Variants in TUBGCP6 observed in about 807,000 individuals in gnomAD.
TUBGCP6 encodes gamma-tubulin complex component 6.
A neutral mutation model predicts 175.8 loss-of-function variants in TUBGCP6; 161 were observed. The ratio of observed to expected loss-of-function variants is 0.92; its 90% confidence interval spans 0.81 to 1.04. The LOEUF is 1.04. Ranked by LOEUF, TUBGCP6 falls within the 50% of genes least tolerant of loss-of-function variation. TUBGCP6 has a pLI of 0.00. For missense variants in TUBGCP6, 2,572 were observed against 2,433.0 expected (o/e 1.06, Z -1.20); for synonymous variants, 1,173 against 1,030.5 (o/e 1.14, Z -2.65).
chr22:50,228,240 C>T (rs192550738), intron 4 of TUBGCP6, among the ~76,000 whole-genome samples: 18 of 82,182 alleles, frequency 2.2e-4, no homozygotes, highest in African/African-American at 5.7e-4. Context: ...TGTGGCCCAC[C>T]ACCAACCCTT....
Position 50,222,530 on chromosome 22 carries a change from G to A in TUBGCP6, c.2333C>T (p.Ala778Val). ...SAEAARREQK[A>V]LWRIQRHRLE... is the part of the protein sequence containing the mutation. ...TCGGTGCCTCTGGATTCTCCACAGT[G>A]CCTTCTGCTCCCGACGAGCTGCCTC... The change falls in exon 14 of 25, where the codon GCA (alanine) becomes GTA (valine). Residue 778 changes from alanine to valine, a missense_variant. Coordinates refer to ENST00000248846, the MANE Select transcript of TUBGCP6 (RefSeq NM_020461.4). 6.2e-7 allele frequency: 1 copy of A among 1,613,692 alleles called. No homozygotes were observed. Among genetic ancestry groups the A allele is most frequent in the African/African-American group, 1.3e-5 (1 of 75,062 alleles).
At position 50,229,453 on chromosome 22, in the gene TUBGCP6, G is replaced by A. The variant is rs747979891; in HGVS notation, c.1241C>T (p.Ser414Phe). The A allele has an allele frequency of 7.4e-6, 12 of 1,613,478 alleles. No homozygotes were observed. Among genetic ancestry groups the A allele is most frequent in the South Asian group, 1.1e-5 (1 of 90,996 alleles). ...GTCYTRLSHF[S>F]LQPVLDSLYS... is the part of the protein sequence containing the mutation. Reference sequence around the variant, plus strand: ...CAAAGAGTCCAGGACGGGCTGCAGAGAGAAATGACTCAGGCGCGTGTAGCA... The same window carrying A: ...CAAAGAGTCCAGGACGGGCTGCAGAAAGAAATGACTCAGGCGCGTGTAGCA... Residue 414 changes from serine (S) to phenylalanine (F), a missense_variant, in exon 4 of 25, where the codon TCT becomes TTT. Ser to Phe is a radical substitution (Grantham distance 155). Transcript: ENST00000248846.
At chr22:50,227,610 A>G (rs2064631164) in intron 5 of TUBGCP6, among the ~76,000 whole-genome samples, 1 of 152,176 alleles carries the variant, frequency 6.6e-6, no homozygotes, top group Non-Finnish European at 1.5e-5. Flanking sequence ...CTGGTTGCTC[A>G]CTAACCAGCT....
At position 50,218,320 on chromosome 22, in the gene TUBGCP6, G is replaced by A. The variant is rs779936421; in HGVS notation, c.5037C>T (p.Val1679=). ...TCTGGTTGGCGATGTAGCCCTGGATGACCTTCACGAAATGCTGCATCTCGT... is the reference window on the plus strand; with the variant it reads ...TCTGGTTGGCGATGTAGCCCTGGATAACCTTCACGAAATGCTGCATCTCGT... ...FKHEMQHFVK[V]IQGYIANQIL... Residue 1679 remains valine (V), a synonymous_variant, in exon 23 of 25, where the codon GTC becomes GTT. Transcript: ENST00000248846. 4 of 1,613,108 alleles carry A rather than the reference G, an allele frequency of 2.5e-6. No individual in the cohort carries two copies. In the South Asian group the frequency reaches 4.4e-5, roughly 18 times the overall value.
chr22:50,228,006 C>A lies in TUBGCP6; in HGVS notation c.1313G>T (p.Arg438Met). Residue 438 changes from arginine (R) to methionine (M), a missense_variant, in exon 5 of 25, where the codon AGG (arginine) becomes ATG (methionine). Arg to Met is a moderately conservative substitution (Grantham distance 91, BLOSUM62 -1). Coordinates refer to ENST00000248846, the MANE Select transcript of TUBGCP6 (RefSeq NM_020461.4). ...GCAGGCCCGGTAATACTGCAGGTACCTCCTCAGGCCACTGGTGAAGGCCTG... is the reference window on the plus strand; with the variant it reads ...GCAGGCCCGGTAATACTGCAGGTACATCCTCAGGCCACTGGTGAAGGCCTG... ...VFQAFTSGLR[R>M]YLQYYRACVL... 1 of 1,563,984 alleles carries A rather than the reference C, an allele frequency of 6.4e-7. No individual in the cohort carries two copies. The highest frequency in any genetic ancestry group is 8.7e-7 in the Non-Finnish European group (1 of 1,154,186).
intron 7 of TUBGCP6, 34 bp downstream of exon 7, chr22:50,226,699 C>T (rs186133442): frequency 1.6e-5 from 24 of 1,525,510 alleles, no homozygotes; most frequent in Admixed American, 7.9e-5. Flanking sequence ...GGTGGGAGTG[C>T]GCGCCCGCCG....
Position 50,243,742 on chromosome 22 carries a change from C to T in TUBGCP6, c.718G>A (p.Asp240Asn). The T allele has an allele frequency of 6.2e-7, 1 of 1,613,338 alleles. No individual in the cohort carries two copies. Among genetic ancestry groups the T allele is most frequent in the Non-Finnish European group, 8.5e-7 (1 of 1,179,772 alleles). Reference protein sequence around the residue: ...LGLPPVPDNADLSGLAIKVPP... With the variant: ...LGLPPVPDNANLSGLAIKVPP... ...ACCTTAATAGCCAGCCCAGAGAGGT[C>T]CGCATTGTCTGGCACGGGGGGCAGG... Residue 240 changes from aspartate (D) to asparagine (N), a missense_variant, in exon 1 of 25, where the codon GAC (aspartate) becomes AAC (asparagine). By Grantham distance (23) the Asp-to-Asn change is conservative. Transcript: ENST00000248846.
chr22:50,219,961 G>T lies in TUBGCP6; in HGVS notation c.4163C>A (p.Ser1388Ter). Residue 1388 changes from serine (S) to a stop codon, truncating the protein, a stop_gained, in exon 17 of 25, where the codon TCA becomes TAA. Coordinates refer to ENST00000248846, the MANE Select transcript of TUBGCP6 (RefSeq NM_020461.4). LOFTEE classifies it high-confidence loss of function. Reference sequence around the variant, plus strand: ...CCCAGGCTGCATCCACCTAACCTGTGAGTTGAGAGGCCAATTTGGAGAGAG... The same window carrying T: ...CCCAGGCTGCATCCACCTAACCTGTTAGTTGAGAGGCCAATTTGGAGAGAG... ...EDLSPNWPLN[S>*]QEDTAAQSSP... 6.2e-7 allele frequency: 1 copy of T among 1,613,996 alleles called. No individual in the cohort carries two copies. Among genetic ancestry groups the T allele is most frequent in the Non-Finnish European group, 8.5e-7 (1 of 1,179,950 alleles).
At position 50,226,776 on chromosome 22, in the gene TUBGCP6, C is replaced by G; in HGVS notation, c.1558G>C (p.Val520Leu). 1 of 1,594,442 alleles carries G rather than the reference C, an allele frequency of 6.3e-7. No homozygotes were observed. The highest frequency in any genetic ancestry group is 8.5e-7 in the Non-Finnish European group (1 of 1,171,450). The change falls in exon 7 of 25, where the codon GTA becomes CTA. Residue 520 changes from valine (V) to leucine (L), a missense_variant. Val to Leu is a conservative substitution (Grantham distance 32). Transcript: ENST00000248846. ...CTGGTCTTCAGCAGGGACAGCAGTACAGGGTAGTGCTCGTTGCTGCAGTTG... is the reference window on the plus strand; with the variant it reads ...CTGGTCTTCAGCAGGGACAGCAGTAGAGGGTAGTGCTCGTTGCTGCAGTTG... ...LHNCSNEHYP[V>L]LLSLLKTSCE...
At chr22:50,219,839 C>T in intron 17 of TUBGCP6, 48 bp from the exon 18 acceptor site, 1 of 1,605,720 alleles carries the variant, frequency 6.2e-7, no homozygotes, top group South Asian at 1.1e-5. Flanking sequence ...CACGCTGTCC[C>T]CACAACCAGC....
chr22:50,226,622 T>C (rs2064614735), intron 7 of TUBGCP6, 111 bp downstream of exon 7: 2 of 1,019,398 alleles, frequency 2.0e-6, no homozygotes, highest in Admixed American at 4.2e-5. Context: ...TATCCTGCCC[T>C]CCCCTTCCTG....
At position 50,220,544 on chromosome 22, in the gene TUBGCP6, A is replaced by G. The variant is rs1405027002; in HGVS notation, c.3815T>C (p.Ile1272Thr). 1 of 1,613,420 alleles carries G rather than the reference A, an allele frequency of 6.2e-7. No homozygotes were observed. The highest frequency in any genetic ancestry group is 1.1e-5 in the South Asian group (1 of 91,080). The part of the protein sequence containing the change: ...TRPRWNTHVP[I>T]PPPHMVLGAL... ...CCCCAGCACCATGTGGGGCGGAGGG[A>G]TGGGTACATGGGTGTTCCACCGTGG... The change falls in exon 16 of 25, where the codon ATC becomes ACC. Residue 1272 changes from isoleucine (I) to threonine (T), a missense_variant. Transcript: ENST00000248846.
At chr22:50,243,283 A>C in intron 1 of TUBGCP6, among the ~76,000 whole-genome samples, 1 of 152,186 alleles carries the variant, frequency 6.6e-6, no homozygotes, top group East Asian at 1.9e-4. Flanking sequence ...CCCCATCTCT[A>C]CTAAAAATAC....
At chr22:50,243,148 C>A (rs1428872800) in intron 1 of TUBGCP6, among the ~76,000 whole-genome samples, 1 of 151,954 alleles carries the variant, frequency 6.6e-6, no homozygotes, top group South Asian at 2.1e-4. Context: ...AACCCCGCCT[C>A]TACTAAAAAT....
In TUBGCP6 at chr22:50,219,715, TC is replaced by T; in HGVS notation, c.4243del (p.Glu1415SerfsTer60). ...TGCCAGGCCTGCCAGGTAGGCCTGC[TC>T]CCCACCCTGAGCCTCCGCCGCCGAT... ...EASAAEAQGG[E>X]QAYLAGLAGQ... is the part of the protein sequence containing the mutation. On this transcript the variant is annotated frameshift_variant, in exon 18 of 25. Transcript: ENST00000248846. LOFTEE classifies it high-confidence loss of function. 1 of 1,613,642 alleles carries T rather than the reference TC, an allele frequency of 6.2e-7. No individual in the cohort carries two copies. The highest frequency in any genetic ancestry group is 8.5e-7 in the Non-Finnish European group (1 of 1,179,960).
At position 50,220,888 on chromosome 22, in the gene TUBGCP6, C is replaced by T. The variant is rs774948078; in HGVS notation, c.3471G>A (p.Arg1157=). The T allele has an allele frequency of 4.3e-6, 7 of 1,613,110 alleles. No individual in the cohort carries two copies. Among genetic ancestry groups the T allele is most frequent in the Non-Finnish European group, 5.9e-6 (7 of 1,179,754 alleles). Residue 1157 remains arginine (R), a synonymous_variant, in exon 16 of 25, where the codon CGG becomes CGA. Coordinates refer to ENST00000248846, the MANE Select transcript of TUBGCP6 (RefSeq NM_020461.4). ...CGGACACGTGTCCATGGGTGTTCCACCGTGGCCGGGTGGGAGCCACGTCCG... is the reference window on the plus strand; with the variant it reads ...CGGACACGTGTCCATGGGTGTTCCATCGTGGCCGGGTGGGAGCCACGTCCG... The part of the protein sequence containing the change: ...NVSDVAPTRP[R]WNTHGHVSDA...
intron 3 of TUBGCP6, among the ~76,000 whole-genome samples, chr22:50,230,769 CAA>C (rs544032515): frequency 8.1e-4 from 73 of 89,702 alleles, no homozygotes; most frequent in Admixed American, 1.7e-3. Flanking sequence ...ATCCTGTCTC[CAA>C]AAAAAAAAAA....
intron 2 of TUBGCP6, among the ~76,000 whole-genome samples, chr22:50,239,712 C>T (rs920467737): frequency 2.0e-5 from 3 of 152,192 alleles, no homozygotes; most frequent in Admixed American, 1.3e-4. Context: ...GAAAAGGTTC[C>T]GTGTTCATCA....
chr22:50,218,229 G>A lies in TUBGCP6; in HGVS notation c.5128C>T (p.Gln1710Ter), dbSNP rs544541261. 1.9e-6 allele frequency: 3 copies of A among 1,612,680 alleles called. No individual in the cohort carries two copies. The highest frequency in any genetic ancestry group is 1.7e-5 in the Admixed American group (1 of 59,992). The change falls in exon 23 of 25, where the codon CAG becomes TAG. Residue 1710 changes from glutamine to a stop codon, truncating the protein, a stop_gained. Transcript: ENST00000248846. LOFTEE classifies it high-confidence loss of function. ...TGCAGGTACTCTGCGTGCGCACGCTGGATCTCCTCCAGGTCGCCCACGGTG... is the reference window on the plus strand; with the variant it reads ...TGCAGGTACTCTGCGTGCGCACGCTAGATCTCCTCCAGGTCGCCCACGGTG... ...LATVGDLEEIQRAHAEYLHKA... is the reference protein window; with the variant it reads ...LATVGDLEEI
Sources: gnomAD v4.1 joint callset for allele counts (sites outside exome capture counted in the v4.1 genomes callset) on GRCh38, gnomAD v4.1.1 for gene constraint, MANE v1.5 for transcripts, NCBI Gene and HGNC (gene_info 2026-07-23, HGNC 2026-07-21) for gene names.